The following TARS1 variants were observed in gnomAD, a reference collection of about 807,000 sequenced individuals.
The protein encoded by TARS1 is threonine--tRNA ligase 1, cytoplasmic.
Under a neutral mutation model 97.7 loss-of-function variants are expected in TARS1, and 57 were observed. The observed-to-expected ratio is 0.58, with a 90% confidence interval of 0.47 to 0.73. TARS1 has a LOEUF of 0.73. TARS1 is among the 30% of genes least tolerant of loss of function. TARS1 has a pLI of 0.00. For synonymous variants in TARS1, 312 were observed against 293.7 expected (o/e 1.06, Z -0.64); for missense variants, 806 against 888.3 (o/e 0.91, Z 1.18).
chr5:33,442,360 C>T (rs1741151377), intron 1 of TARS1, among the ~76,000 whole-genome samples: 1 of 116,646 alleles, frequency 8.6e-6, no homozygotes, highest in African/African-American at 3.3e-5. Flanking sequence ...AGAATGTGGT[C>T]AACAACTTTC....
chr5:33,464,971 C>G (rs899110139), intron 17 of TARS1, among the ~76,000 whole-genome samples: 8 of 152,000 alleles, frequency 5.3e-5, no homozygotes, highest in African/African-American at 1.7e-4. Context: ...GAGGCTGAGG[C>G]AGGAGAATGG....
At chr5:33,457,901 T>C (rs916527168) in intron 9 of TARS1, among the ~76,000 whole-genome samples, 4 of 152,204 alleles carry the variant, frequency 2.6e-5, no homozygotes, top group Admixed American at 6.5e-5. Flanking sequence ...CCCCTTAAAA[T>C]AGGCACTCTG....
In TARS1 at chr5:33,448,613, A is replaced by G. The variant is rs921916664; in HGVS notation, c.211A>G (p.Ile71Val). The change falls in exon 3 of 19, where the codon ATT becomes GTT. Residue 71 changes from isoleucine (I) to valine (V), a missense_variant. By Grantham distance (29) the Ile-to-Val change is conservative. Transcript: ENST00000265112. ...TATACTAAAAGCAGAACATGATTCC[A>G]TTCTGGCAGAAAAGGCAGAAAAAGA... The part of the protein sequence containing the change: ...YNILKAEHDS[I>V]LAEKAEKDSK... The G allele has an allele frequency of 1.9e-6, 3 of 1,613,820 alleles. No homozygotes were observed. Among genetic ancestry groups the G allele is most frequent in the African/African-American group, 2.7e-5 (2 of 74,926 alleles).
Position 33,453,385 on chromosome 5 carries a change from C to G in TARS1, c.426C>G (p.Leu142=). The part of the protein sequence containing the change: ...PLEEDCTLEL[L]KFEDEEAQAV... The stretch of plus-strand genomic sequence containing the variant: ...AAGAAGATTGTACCTTGGAGCTTCT[C>G]AAGTTTGAGGATGAGGAAGCTCAGG... Residue 142 remains leucine (L), a synonymous_variant, in exon 4 of 19, where the codon CTC becomes CTG. Coordinates refer to ENST00000265112, the MANE Select transcript of TARS1 (RefSeq NM_152295.5). 1 of 1,611,686 alleles carries G rather than the reference C, an allele frequency of 6.2e-7. No homozygotes were observed. Among genetic ancestry groups the G allele is most frequent in the Non-Finnish European group, 8.5e-7 (1 of 1,179,304 alleles).
chr5:33,452,937 C>A (rs1741815768), intron 3 of TARS1, among the ~76,000 whole-genome samples: 1 of 149,890 alleles, frequency 6.7e-6, no homozygotes, highest in South Asian at 2.1e-4. Context: ...CGCAACATAG[C>A]AAGACCCTGT....
chr5:33,455,806 T>C, intron 6 of TARS1, 102 bp downstream of exon 6: 3 of 1,026,460 alleles, frequency 2.9e-6, no homozygotes, highest in Non-Finnish European at 4.4e-6. Flanking sequence ...GAAGTCTAAT[T>C]GGTTCTTTAG....
intron 4 of TARS1, 107 bp from the exon 5 acceptor site, chr5:33,454,838 G>T: frequency 1.5e-6 from 2 of 1,339,282 alleles, no homozygotes; most frequent in Middle Eastern, 4.1e-4. Flanking sequence ...TTTATATATT[G>T]GGTTTACTTG....
At chr5:33,450,549 A>G (rs1237907869) in intron 3 of TARS1, among the ~76,000 whole-genome samples, 1 of 152,244 alleles carries the variant, frequency 6.6e-6, no homozygotes, top group Non-Finnish European at 1.5e-5. Context: ...AAAAGTTGTA[A>G]TACCATGCAA....
At chr5:33,461,327 A>G (rs769853155) in intron 13 of TARS1, 32 bp downstream of exon 13, 2 of 1,598,148 alleles carry the variant, frequency 1.3e-6, no homozygotes, top group East Asian at 4.5e-5. Context: ...GCTTTTGAAT[A>G]CTGTTTGAAA....
At position 33,460,998 on chromosome 5, in the gene TARS1, C is replaced by T; in HGVS notation, c.1347C>T (p.Leu449=). ...ATAGGAACGAGCTGTCTGGAGCACT[C>T]ACAGGACTCACCCGGGTACGAAGAT... ...VLHRNELSGA[L]TGLTRVRRFQ... is the part of the protein sequence containing the mutation. The change falls in exon 12 of 19, where the codon CTC becomes CTT. Residue 449 remains leucine, a synonymous_variant. Transcript: ENST00000265112. 6.2e-7 allele frequency: 1 copy of T among 1,614,164 alleles called. No individual in the cohort carries two copies. The highest frequency in any genetic ancestry group is 1.3e-5 in the African/African-American group (1 of 75,046).
At chr5:33,454,673 G>C (rs1741925768) in intron 4 of TARS1, among the ~76,000 whole-genome samples, 1 of 152,198 alleles carries the variant, frequency 6.6e-6, no homozygotes, top group African/African-American at 2.4e-5. Context: ...CAAAGTCTAT[G>C]TCATTTAATT....
At chr5:33,452,237 A>G in intron 3 of TARS1, 1 of 854,276 alleles carries the variant, frequency 1.2e-6, no homozygotes, top group Non-Finnish European at 1.9e-6. Context: ...ACAGTGTAGA[A>G]TGTTGCCTAC....
chr5:33,461,530 A>C, intron 13 of TARS1, 137 bp from the exon 14 acceptor site: 1 of 1,004,538 alleles, frequency 1.0e-6, no homozygotes, highest in Non-Finnish European at 1.5e-6. Context: ...TGGTATGAGC[A>C]TATGTTCAGG....
At chr5:33,442,302 A>G (rs1741142264) in intron 1 of TARS1, among the ~76,000 whole-genome samples, 1 of 120,688 alleles carries the variant, frequency 8.3e-6, no homozygotes, top group African/African-American at 3.0e-5. Flanking sequence ...ATAAAATGAT[A>G]TTTTTACTGT....
intron 5 of TARS1, 28 bp downstream of exon 5, chr5:33,455,094 T>C: frequency 6.2e-7 from 1 of 1,611,760 alleles, no homozygotes; most frequent in South Asian, 1.1e-5. Context: ...TAAAGAAAAC[T>C]GAAGTCAATG....
At chr5:33,446,859 C>A in intron 2 of TARS1, 1 of 722,448 alleles carries the variant, frequency 1.4e-6, no homozygotes, top group Non-Finnish European at 1.9e-6. Context: ...ATGACAGGCT[C>A]TGTCTGAGCT....
chr5:33,465,411 T>A (rs1742487457), intron 17 of TARS1, among the ~76,000 whole-genome samples: 1 of 152,196 alleles, frequency 6.6e-6, no homozygotes, highest in Non-Finnish European at 1.5e-5. Context: ...TGATACCTAA[T>A]AACTATAGAG....
Position 33,459,752 on chromosome 5 carries a change from C to T in TARS1, c.1141C>T (p.Arg381Ter), listed in dbSNP as rs754137794. The change falls in exon 11 of 19, where the codon CGA (arginine) becomes TGA (stop). Residue 381 changes from arginine (R) to a stop codon, truncating the protein, a stop_gained. Transcript: ENST00000265112. LOFTEE classifies it high-confidence loss of function. ...AGTCACCCCAAACATCTTCAACAGC[C>T]GACTCTGGATGACCTCGGGCCACTG... ...EVVTPNIFNSRLWMTSGHWQH... is the reference protein window; with the variant it reads ...EVVTPNIFNS The T allele has an allele frequency of 1.3e-5, 21 of 1,613,974 alleles. No individual in the cohort carries two copies. Among genetic ancestry groups the T allele is most frequent in the Admixed American group, 3.3e-5 (2 of 59,994 alleles).
Position 33,455,644 on chromosome 5 carries a change from A to G in TARS1, c.633A>G (p.Lys211=). Residue 211 remains lysine, a synonymous_variant, in exon 6 of 19, where the codon AAA becomes AAG. Transcript: ENST00000265112. ...AGGCTTTGTGTAAGAAAATCATTAA[A>G]GAAAAACAAGCTTTTGAAAGACTGG... ...SLEALCKKII[K]EKQAFERLEV... The G allele has an allele frequency of 6.2e-7, 1 of 1,613,286 alleles. No individual in the cohort carries two copies. The highest frequency in any genetic ancestry group is 8.5e-7 in the Non-Finnish European group (1 of 1,179,444).
Sources: gnomAD v4.1 joint callset for allele counts (sites outside exome capture counted in the v4.1 genomes callset) on GRCh38, gnomAD v4.1.1 for gene constraint, MANE v1.5 for transcripts, NCBI Gene and HGNC (gene_info 2026-07-23, HGNC 2026-07-21) for gene names.